KIFAP3: variants seen among roughly 807,000 people sequenced by gnomAD.
KIFAP3 encodes kinesin associated protein 3.
In KIFAP3, 68 loss-of-function variants were observed where a neutral mutation model predicts 106.5. That is an observed-to-expected ratio of 0.64 (90% CI 0.53 to 0.78). KIFAP3 has a LOEUF of 0.78. KIFAP3 is among the 30% of genes least tolerant of loss of function. KIFAP3 has a pLI of 0.00. For missense variants in KIFAP3, 780 were observed against 941.8 expected (o/e 0.83, Z 2.25); for synonymous variants, 320 against 311.5 (o/e 1.03, Z -0.29).
intron 10 of KIFAP3, among the ~76,000 whole-genome samples, chr1:169,996,980 G>C (rs1183351200): frequency 6.6e-6 from 1 of 152,146 alleles, no homozygotes; most frequent in Non-Finnish European, 1.5e-5. Flanking sequence ...CCTAAGTTCT[G>C]AAACTCATTC....
In KIFAP3 at chr1:169,954,037, A is replaced by G. The variant is rs770280657; in HGVS notation, c.2247T>C (p.Val749=). The part of the protein sequence containing the change: ...FNDYHLQNGD[V]VGQHSFPGSL... ...TGCCAGGAAATGAATGCTGCCCAAC[A>G]ACATCTCCATTTTGAAGGTGGTAAT... Residue 749 remains valine (V), a synonymous_variant, in exon 19 of 20, where the codon GTT becomes GTC. Transcript: ENST00000361580. 7 of 1,613,162 alleles carry G rather than the reference A, an allele frequency of 4.3e-6. No homozygotes were observed. Among genetic ancestry groups the G allele is most frequent in the Non-Finnish European group, 5.9e-6 (7 of 1,179,310 alleles).
chr1:169,961,578 T>G (rs1305194258), intron 17 of KIFAP3, among the ~76,000 whole-genome samples: 3 of 152,128 alleles, frequency 2.0e-5, no homozygotes, highest in Non-Finnish European at 4.4e-5. Flanking sequence ...AAAGTTGACC[T>G]TAGAACAAAA....
intron 19 of KIFAP3, among the ~76,000 whole-genome samples, chr1:169,931,141 A>T (rs1010195248): frequency 6.6e-6 from 1 of 152,058 alleles, no homozygotes; most frequent in Non-Finnish European, 1.5e-5. Flanking sequence ...GCTAGTCTCG[A>T]ACTCCTGAAC....
At chr1:169,931,555 ATT>A (rs891710983) in intron 19 of KIFAP3, among the ~76,000 whole-genome samples, 1 of 152,164 alleles carries the variant, frequency 6.6e-6, no homozygotes, top group Non-Finnish European at 1.5e-5. Context: ...ACTTCTTGAA[ATT>A]GGCAGTTCTA....
chr1:170,027,543 A>G (rs1261387124), intron 8 of KIFAP3, among the ~76,000 whole-genome samples: 1 of 152,198 alleles, frequency 6.6e-6, no homozygotes, highest in Non-Finnish European at 1.5e-5. Flanking sequence ...ACTGAAAACT[A>G]CAATGCTTGA....
intron 19 of KIFAP3, among the ~76,000 whole-genome samples, chr1:169,947,966 A>C (rs532064260): frequency 6.6e-6 from 1 of 151,300 alleles, no homozygotes; most frequent in South Asian, 2.1e-4. Context: ...TCTAGTATGT[A>C]GACAAAAATC....
intron 15 of KIFAP3, 119 bp from the exon 16 acceptor site, chr1:169,978,302 G>T: frequency 1.6e-6 from 1 of 620,442 alleles, no homozygotes; most frequent in Non-Finnish European, 2.8e-6. Flanking sequence ...CAAGCAAGCA[G>T]AAATGGATTT....
At chr1:169,935,324 C>G (rs1301262837) in intron 19 of KIFAP3, among the ~76,000 whole-genome samples, 1 of 151,968 alleles carries the variant, frequency 6.6e-6, no homozygotes, top group Non-Finnish European at 1.5e-5. Flanking sequence ...CCCATCCTTT[C>G]ATATTTGAGG....
At chr1:169,956,947 T>C (rs1196385681) in intron 18 of KIFAP3, among the ~76,000 whole-genome samples, 1 of 152,182 alleles carries the variant, frequency 6.6e-6, no homozygotes, top group East Asian at 1.9e-4. Context: ...AAACTGCAGC[T>C]TCTACAGTGC....
rs1321956575 is a variant in KIFAP3 at position 169,921,626 on chromosome 1, C to A, written c.*50G>T. ...GGCAAAGATCCAAAATTAACCCAAC[C>A]CACACAGATTTCTTCTAAGCTGAGA... On this transcript the variant is annotated 3_prime_UTR_variant, in exon 20 of 20. Coordinates refer to ENST00000361580, the MANE Select transcript of KIFAP3 (RefSeq NM_014970.4). 2 of 1,431,960 alleles carry A rather than the reference C, an allele frequency of 1.4e-6. No homozygotes were observed. Among genetic ancestry groups the A allele is most frequent in the African/African-American group, 1.4e-5 (1 of 71,186 alleles). 88.7% of individuals were successfully genotyped at this position (1,431,960 alleles called of 1,614,324 possible).
At chr1:170,028,077 A>G (rs141883615) in intron 8 of KIFAP3, among the ~76,000 whole-genome samples, 165 of 152,248 alleles carry the variant, frequency 1.1e-3, no homozygotes, top group African/African-American at 3.9e-3. Context: ...AGATAAAAAT[A>G]TTTTTAAAAT....
chr1:170,024,385 T>C, intron 9 of KIFAP3, 33 bp downstream of exon 9: 1 of 1,382,968 alleles, frequency 7.2e-7, no homozygotes, highest in Non-Finnish European at 9.9e-7. Context: ...ATGGCAAAAA[T>C]GAACTATTTC....
At chr1:169,927,892 A>G (rs1335704365) in intron 19 of KIFAP3, among the ~76,000 whole-genome samples, 1 of 152,070 alleles carries the variant, frequency 6.6e-6, no homozygotes, top group African/African-American at 2.4e-5. Flanking sequence ...GCTACTGGAG[A>G]GTTGTCAATG....
chr1:169,995,217 G>A (rs574502460), intron 10 of KIFAP3, among the ~76,000 whole-genome samples: 4 of 152,104 alleles, frequency 2.6e-5, no homozygotes, highest in African/African-American at 9.6e-5. Flanking sequence ...AAAACTTAAC[G>A]TTTGAACAGG....
chr1:169,933,539 T>G (rs766817708), intron 19 of KIFAP3, among the ~76,000 whole-genome samples: 18 of 152,088 alleles, frequency 1.2e-4, no homozygotes, highest in Admixed American at 3.3e-4. Context: ...TATATCATCT[T>G]CAAAGAATAG....
intron 7 of KIFAP3, 124 bp from the exon 8 acceptor site, chr1:170,032,108 A>C: frequency 3.3e-6 from 2 of 603,348 alleles, no homozygotes; most frequent in South Asian, 4.4e-5. Context: ...TCTCACCAAA[A>C]GTTTAACTAA....
intron 19 of KIFAP3, 43 bp downstream of exon 19, chr1:169,953,968 C>T (rs1664873326): frequency 7.4e-7 from 1 of 1,356,960 alleles, no homozygotes; most frequent in Admixed American, 1.7e-5. Flanking sequence ...TTTCCAAAAG[C>T]AACAGATACT....
intron 10 of KIFAP3, among the ~76,000 whole-genome samples, chr1:170,010,935 T>A (rs1207573828): frequency 2.0e-5 from 3 of 151,934 alleles, no homozygotes; most frequent in Non-Finnish European, 4.4e-5. Flanking sequence ...AAATAAGTAA[T>A]TTCTATATAT....
At chr1:169,975,479 T>A (rs1229203387) in intron 16 of KIFAP3, among the ~76,000 whole-genome samples, 1 of 152,152 alleles carries the variant, frequency 6.6e-6, no homozygotes, top group Admixed American at 6.6e-5. Flanking sequence ...AATAAAATGC[T>A]AAAGGTTATG....
Sources: allele counts gnomAD v4.1 joint callset (sites outside exome capture counted in the v4.1 genomes callset), GRCh38; gene constraint gnomAD v4.1.1; transcripts MANE v1.5; gene names NCBI Gene and HGNC (gene_info 2026-07-23, HGNC 2026-07-21).